The following ATP13A1 variants were observed in gnomAD, a reference collection of about 807,000 sequenced individuals.
ATP13A1 encodes ATPase 13A1.
ATP13A1 carries 55 observed loss-of-function variants against 134.8 expected under a neutral mutation model. The ratio of observed to expected loss-of-function variants is 0.41; its 90% CI spans 0.33 to 0.51. ATP13A1 has a LOEUF of 0.51. Among genes scored for constraint, ATP13A1 ranks in the 20% least tolerant of loss-of-function variants. ATP13A1 has a pLI of 0.29. For missense variants in ATP13A1, 1,389 were observed against 1,652.8 expected (o/e 0.84, Z 2.77); for synonymous variants, 775 against 725.1 (o/e 1.07, Z -1.10).
At position 19,654,683 on chromosome 19, in the gene ATP13A1, G is replaced by T; in HGVS notation, c.1673C>A (p.Thr558Asn). Residue 558 changes from threonine (T) to asparagine (N), a missense_variant, in exon 13 of 26, where the codon ACC becomes AAC. Coordinates refer to ENST00000357324, the MANE Select transcript of ATP13A1 (RefSeq NM_020410.3). ...VAGLRDGKEVTPVSSIPVETH... is the reference protein window; with the variant it reads ...VAGLRDGKEVNPVSSIPVETH... ...TTCTACAGGGATGCTGGACACTGGG[G>T]TCACCTCCTTCCCGTCTCTGCAAGG... The T allele has an allele frequency of 6.2e-7, 1 of 1,612,676 alleles. No homozygotes were observed. Among genetic ancestry groups the T allele is most frequent in the East Asian group, 2.2e-5 (1 of 44,870 alleles).
chr19:19,657,490 G>C, intron 3 of ATP13A1, 82 bp from the exon 4 acceptor site: 1 of 1,354,900 alleles, frequency 7.4e-7, no homozygotes, highest in Non-Finnish European at 9.9e-7. Context: ...TCCAACCTGA[G>C]CATGGCAGGC....
In ATP13A1 at chr19:19,645,888, C is replaced by T. The variant is rs771899255; in HGVS notation, c.3346G>A (p.Ala1116Thr). The change falls in exon 24 of 26, where the codon GCC (alanine) becomes ACC (threonine). Residue 1116 changes from alanine (A) to threonine (T), a missense_variant. Physicochemically the swap from Ala to Thr is moderately conservative, Grantham distance 58. Coordinates refer to ENST00000357324, the MANE Select transcript of ATP13A1 (RefSeq NM_020410.3). This position sits in a 1 kb window ranked among gnomAD's most constrained non-coding sequence, Gnocchi z 4.1. ...MAMAMQMATF[A>T]INYKGPPFME... ...CCAGGCCTTACTTTGTAATTGATGG[C>T]GAAGGTGGCCATCTGCATGGCCATG... is the stretch of plus-strand genomic sequence containing the variant. 1.1e-5 allele frequency: 17 copies of T among 1,613,698 alleles called. No individual in the cohort carries two copies. The highest frequency in any genetic ancestry group is 8.0e-5 in the African/African-American group (6 of 74,932).
intron 3 of ATP13A1, among the ~76,000 whole-genome samples, chr19:19,658,921 G>A (rs1039524303): frequency 1.4e-4 from 21 of 151,962 alleles, no homozygotes; most frequent in Non-Finnish European, 2.4e-4. Context: ...TGGGCAACAC[G>A]GCGAGACCCC....
intron 1 of ATP13A1, chr19:19,662,246 C>T: frequency 1.3e-6 from 2 of 1,484,938 alleles, no homozygotes; most frequent in South Asian, 1.4e-5. Context: ...ATTGTACTAC[C>T]TCAAAGCTAC....
intron 17 of ATP13A1, 173 bp from the exon 18 acceptor site, chr19:19,650,113 C>T: frequency 1.6e-6 from 1 of 627,022 alleles, no homozygotes; most frequent in Non-Finnish European, 2.8e-6. Context: ...GAATGTCCCT[C>T]AGGTGCACAG....
At position 19,654,146 on chromosome 19, in the gene ATP13A1, T is replaced by C; in HGVS notation, c.1814-2A>G. On this transcript the variant is annotated splice_acceptor_variant, in intron 13 of 25. Coordinates refer to ENST00000357324, the MANE Select transcript of ATP13A1 (RefSeq NM_020410.3). LOFTEE classifies it high-confidence loss of function. The stretch of plus-strand genomic sequence containing the variant: ...TACTTCGGGGGAATACTTTCTCATC[T>C]GGAAACAAATAAGTACGAGTCCTGA... 1.3e-6 allele frequency: 2 copies of C among 1,582,022 alleles called. No homozygotes were observed. Among genetic ancestry groups the C allele is most frequent in the Non-Finnish European group, 1.7e-6 (2 of 1,164,158 alleles).
In ATP13A1 at chr19:19,656,157, G is replaced by T; in HGVS notation, c.1110C>A (p.Asp370Glu). Residue 370 changes from aspartate (D) to glutamate (E), a missense_variant, in exon 8 of 26, where the codon GAC (aspartate) becomes GAA (glutamate). Around this residue, in one of 4 missense-constraint regions of ATP13A1, gnomAD observed 747 missense variants for 956.1 expected, o/e 0.78. Transcript: ENST00000357324. This position sits in a 1 kb window ranked among gnomAD's most constrained non-coding sequence, Gnocchi z 4.6. ...AATCAGCCTGGAGGTCCAGCACCCG[G>T]TCTGGGCTGAGGTCTTCGATGGGCT... ...MKEPIEDLSP[D>E]RVLDLQADSR... 6.2e-7 allele frequency: 1 copy of T among 1,613,256 alleles called. No individual in the cohort carries two copies. Among genetic ancestry groups the T allele is most frequent in the East Asian group, 2.2e-5 (1 of 44,868 alleles).
intron 1 of ATP13A1, chr19:19,662,044 T>G: frequency 6.4e-7 from 1 of 1,564,932 alleles, no homozygotes; most frequent in African/African-American, 1.4e-5. Flanking sequence ...GAAGCGGCCC[T>G]TTCTGAGATC....
chr19:19,656,534 GC>G lies in ATP13A1; in HGVS notation c.1083+125del. On this transcript the variant is annotated intron_variant, in intron 7 of 25. Transcript: ENST00000357324. The surrounding 1 kb of genome is among the most constrained non-coding windows in gnomAD (Gnocchi z 4.6). Reference sequence around the variant, plus strand: ...ACCACCCGGCTCCCCAGTCCACAGAGCTCATCTGTGCCCACACTGCCTCCTC... The same window carrying G: ...ACCACCCGGCTCCCCAGTCCACAGAGTCATCTGTGCCCACACTGCCTCCTC... 1 of 1,044,912 alleles carries G rather than the reference GC, an allele frequency of 9.6e-7. No individual in the cohort carries two copies. The highest frequency in any genetic ancestry group is 1.5e-5 in the South Asian group (1 of 65,864). The allele number at this position is 1,044,912 out of a possible 1,614,324, so 64.7% of individuals were successfully genotyped here.
Position 19,655,675 on chromosome 19 carries a change from C to T in ATP13A1, c.1270-21G>A. ...TTGCCCTGGAGGAATGGAGGAACAG[C>T]CTTTCTGCTGTCTGGACTCCCTCCA... On this transcript the variant is annotated intron_variant, in intron 9 of 25. Transcript: ENST00000357324. This position sits in a 1 kb window ranked among gnomAD's most constrained non-coding sequence, Gnocchi z 5.7. 1 of 1,608,324 alleles carries T rather than the reference C, an allele frequency of 6.2e-7. No homozygotes were observed. The highest frequency in any genetic ancestry group is 8.5e-7 in the Non-Finnish European group (1 of 1,177,430).
chr19:19,663,438 C>A lies in ATP13A1; in HGVS notation c.229G>T (p.Ala77Ser), dbSNP rs1305625437. The A allele has an allele frequency of 1.9e-6, 3 of 1,563,300 alleles. No homozygotes were observed. Among genetic ancestry groups the A allele is most frequent in the Non-Finnish European group, 2.6e-6 (3 of 1,157,512 alleles). Residue 77 changes from alanine (A) to serine (S), a missense_variant, in exon 1 of 26, where the codon GCC becomes TCC. Transcript: ENST00000357324. ...CCAGCGGCTGCGGCACCCAACCAGGCCGGGTAAAGCAGCCCGGCGAATGGC... is the reference window on the plus strand; with the variant it reads ...CCAGCGGCTGCGGCACCCAACCAGGACGGGTAAAGCAGCCCGGCGAATGGC... Reference protein sequence around the residue: ...VLPFAGLLYPAWLGAAAAGCW... With the variant: ...VLPFAGLLYPSWLGAAAAGCW...
At position 19,646,255 on chromosome 19, in the gene ATP13A1, G is replaced by A; in HGVS notation, c.3198C>T (p.Phe1066=). 1 of 1,614,024 alleles carries A rather than the reference G, an allele frequency of 6.2e-7. No homozygotes were observed. Among genetic ancestry groups the A allele is most frequent in the Admixed American group, 1.7e-5 (1 of 60,026 alleles). Residue 1066 remains phenylalanine (F), a synonymous_variant, in exon 23 of 26, where the codon TTC becomes TTT. Coordinates refer to ENST00000357324, the MANE Select transcript of ATP13A1 (RefSeq NM_020410.3). The part of the protein sequence containing the change: ...LTVMLQFFVH[F]LSLVYLYREA... ...CACGGTACAGGTAGACAAGGCTCAG[G>A]AAGTGCACAAAGAACTGGAGCATGA... is the stretch of plus-strand genomic sequence containing the variant.
rs1278176403 is a variant in ATP13A1 at position 19,656,973 on chromosome 19, G to T, written c.906+21C>A. 2 of 1,602,958 alleles carry T rather than the reference G, an allele frequency of 1.2e-6. No individual in the cohort carries two copies. Among genetic ancestry groups the T allele is most frequent in the African/African-American group, 2.7e-5 (2 of 74,650 alleles). ...CGCACCTGTGCTGCACCCCCAACCT[G>T]GGTCTCCCTGGCAGCCACACCTGGA... On this transcript the variant is annotated intron_variant, in intron 5 of 25. Transcript: ENST00000357324. The surrounding 1 kb of genome is among the most constrained non-coding windows in gnomAD (Gnocchi z 4.6).
intron 3 of ATP13A1, among the ~76,000 whole-genome samples, chr19:19,657,624 G>A (rs774031453): frequency 9.8e-5 from 15 of 152,308 alleles, no homozygotes; most frequent in African/African-American, 2.6e-4. Flanking sequence ...CATGCTGCCC[G>A]CCCACAGCCC....
intron 1 of ATP13A1, chr19:19,662,964 C>G (rs1479953130): frequency 5.7e-6 from 3 of 525,080 alleles, no homozygotes; most frequent in Non-Finnish European, 1.1e-5. Flanking sequence ...ATAAACAACT[C>G]CTACCTGACC....
At position 19,655,236 on chromosome 19, in the gene ATP13A1, A is replaced by T. The variant is rs753894272; in HGVS notation, c.1538T>A (p.Met513Lys). The T allele has an allele frequency of 6.2e-7, 1 of 1,613,840 alleles. No individual in the cohort carries two copies. The highest frequency in any genetic ancestry group is 8.5e-7 in the Non-Finnish European group (1 of 1,179,892). ...TSLIALAKLY[M>K]YCTEPFRIPF... is the part of the protein sequence containing the mutation. ...GATCCGGAAGGGCTCTGTGCAGTAC[A>T]TGTCTAGGGGCGGGAGTGAGGTCAG... The change falls in exon 12 of 26, where the codon ATG (methionine) becomes AAG (lysine). Residue 513 changes from methionine to lysine, a missense_variant. Met to Lys is a moderately conservative substitution (Grantham distance 95). Transcript: ENST00000357324. This position sits in a 1 kb window ranked among gnomAD's most constrained non-coding sequence, Gnocchi z 5.7.
In ATP13A1 at chr19:19,645,329, T is replaced by G. The variant is rs1343014797; in HGVS notation, c.*93A>C. ...AGGGCGAGACTGTACAGCCTTGCTG[T>G]GGGGGGTTGGGGGCAGGGTTCCCTC... is the stretch of plus-strand genomic sequence containing the variant. On this transcript the variant is annotated 3_prime_UTR_variant, in exon 26 of 26. Coordinates refer to ENST00000357324, the MANE Select transcript of ATP13A1 (RefSeq NM_020410.3). This position sits in a 1 kb window ranked among gnomAD's most constrained non-coding sequence, Gnocchi z 4.1. 13 of 1,332,894 alleles carry G rather than the reference T, an allele frequency of 9.8e-6. No homozygotes were observed. Among genetic ancestry groups the G allele is most frequent in the African/African-American group, 5.8e-5 (4 of 68,634 alleles). 82.6% of individuals were successfully genotyped at this position (1,332,894 alleles called of 1,614,324 possible).
At position 19,654,526 on chromosome 19, in the gene ATP13A1, A is replaced by G. The variant is rs536516758; in HGVS notation, c.1813+17T>C. 2 of 1,587,498 alleles carry G rather than the reference A, an allele frequency of 1.3e-6. No homozygotes were observed. The highest frequency in any genetic ancestry group is 4.5e-5 in the East Asian group (2 of 44,632). ...CAGTGGCTCCCCCTTGCTGGGCCTGAGGCCCCAGCCCCTCACCTTTGGTCA... is the reference window on the plus strand; with the variant it reads ...CAGTGGCTCCCCCTTGCTGGGCCTGGGGCCCCAGCCCCTCACCTTTGGTCA... On this transcript the variant is annotated intron_variant, in intron 13 of 25. Transcript: ENST00000357324.
rs1345456595 is a variant in ATP13A1, at chr19:19,652,796, T to G, written c.2101-76A>C. ...CTCTGCATTTCCTGAGCTCTGACCA[T>G]GCGCTGGGAGCCAAGGGGACAATGG... On this transcript the variant is annotated intron_variant, in intron 15 of 25. Coordinates refer to ENST00000357324, the MANE Select transcript of ATP13A1 (RefSeq NM_020410.3). 8.0e-6 allele frequency: 12 copies of G among 1,499,316 alleles called. No individual in the cohort carries two copies. The Admixed American group carries it at 1.6e-4, about 21-fold the overall frequency. 92.9% of individuals were successfully genotyped at this position (1,499,316 alleles called of 1,614,324 possible).
Sources: gnomAD v4.1 joint callset for allele counts (sites outside exome capture counted in the v4.1 genomes callset) on GRCh38, gnomAD v4.1.1 for gene constraint, gnomAD v4.1.1 regional missense constraint, Gnocchi (gnomAD v3.1) non-coding constraint, MANE v1.5 for transcripts, NCBI Gene and HGNC (gene_info 2026-07-23, HGNC 2026-07-21) for gene names.